PABIR3: variants seen among roughly 807,000 people sequenced by gnomAD.
PABIR3 encodes the protein PABIR family member 3.
PABIR3 carries 20 observed loss-of-function variants against 23.1 expected under a neutral mutation model. That is an observed-to-expected ratio of 0.86 (90% confidence interval 0.61 to 1.26). The LOEUF (loss-of-function observed/expected upper bound fraction) is 1.26, where lower values mean the gene tolerates loss of function less well. Ranked by LOEUF, PABIR3 falls within the 50% of genes most tolerant of loss-of-function variation. PABIR3 has a pLI of 0.00. For missense variants in PABIR3, 189 were observed against 195.4 expected, an observed-to-expected ratio of 0.97 and a Z score of 0.20; for synonymous variants, 69 against 68.5, an observed-to-expected ratio of 1.01 and a Z score of -0.04.
chrX:134,820,674 A>G (rs2081223741), intron 3 of PABIR3, among the ~76,000 whole-genome samples: 1 of 111,831 alleles, frequency 8.9e-6, no homozygotes, highest in African/African-American at 3.3e-5. Flanking sequence ...GTTTCACGTT[A>G]GTGTATTTTA....
downstream of PABIR3, among the ~76,000 whole-genome samples, chrX:134,858,634 G>A (rs371175556): frequency 1.5e-4 from 17 of 111,797 alleles, no homozygotes; most frequent in East Asian, 4.2e-3. Flanking sequence ...CTATCATATA[G>A]GTAGACTTCA....
intron 2 of PABIR3, 71 bp downstream of exon 2, chrX:134,807,779 G>A: frequency 9.9e-7 from 1 of 1,010,747 alleles, no homozygotes; most frequent in Non-Finnish European, 1.3e-6. Context: ...ATTTCCTATA[G>A]AATTCCCGTC....
chrX:134,842,839 A>G (rs2082281886), intron 4 of PABIR3, among the ~76,000 whole-genome samples: 1 of 108,967 alleles, frequency 9.2e-6, no homozygotes, highest in Admixed American at 9.8e-5. Context: ...CAGAGGTTGC[A>G]GTGAGCTGAG....
At chrX:134,820,234 T>C (rs755258197) in intron 3 of PABIR3, among the ~76,000 whole-genome samples, 117 of 112,420 alleles carry the variant, frequency 1.0e-3, no homozygotes, top group African/African-American at 3.7e-3. Context: ...GAATTTTATT[T>C]TTACTTTATG....
intron 3 of PABIR3, among the ~76,000 whole-genome samples, chrX:134,816,234 A>C (rs1327539626): frequency 8.9e-6 from 1 of 112,265 alleles, no homozygotes; most frequent in Non-Finnish European, 1.9e-5. Flanking sequence ...GGCGTCATAG[A>C]ATGTATTAGG....
At chrX:134,827,020 G>A (rs1211002314) in intron 3 of PABIR3, among the ~76,000 whole-genome samples, 1 of 111,352 alleles carries the variant, frequency 9.0e-6, no homozygotes, top group Non-Finnish European at 1.9e-5. Context: ...GAGTGCAGTG[G>A]CACGATCTCA....
chrX:134,814,468 C>T (rs1293270383), intron 2 of PABIR3, among the ~76,000 whole-genome samples: 2 of 111,393 alleles, frequency 1.8e-5, no homozygotes, highest in East Asian at 2.8e-4. Context: ...TGGGCCAAGG[C>T]GGGTGGATCA....
At chrX:134,841,525 G>A (rs2082232037) in intron 4 of PABIR3, among the ~76,000 whole-genome samples, 1 of 111,470 alleles carries the variant, frequency 9.0e-6, no homozygotes, top group Non-Finnish European at 1.9e-5. Context: ...ATGAAACGAT[G>A]TTTTTAGAAA....
intron 9 of PABIR3, among the ~76,000 whole-genome samples, chrX:134,849,552 A>G (rs1216779295): frequency 9.0e-6 from 1 of 111,702 alleles, no homozygotes; most frequent in East Asian, 2.8e-4. Flanking sequence ...GAACAGAGTG[A>G]GTCAGTCATC....
rs1434604404 is a variant in PABIR3, at chrX:134,809,461, G to A, written c.110+1753G>A. The stretch of plus-strand genomic sequence containing the variant: ...ATTACAGGCGTGAGCCACTGCGCCT[G>A]GCCTAAATCTTACTTCTTAAACTAG... On this transcript the variant is annotated intron_variant, in intron 2 of 10. Transcript: ENST00000645433. The A allele has an allele frequency of 8.0e-6, 6 of 750,023 alleles. No individual in the cohort carries two copies. The South Asian group carries it at 2.0e-4, about 26-fold the overall frequency. 61.8% of individuals were successfully genotyped at this position (750,023 alleles called of 1,213,427 possible). A position where few individuals can be genotyped will look rare whatever the true frequency, so the allele number is the denominator to read the frequency against.
At chrX:134,849,136 T>G in intron 8 of PABIR3, 31 bp from the exon 9 acceptor site, 1 of 814,903 alleles carries the variant, frequency 1.2e-6, no homozygotes, top group East Asian at 4.1e-5. Context: ...AAAAAAAATT[T>G]CTTATAATGA....
intron 9 of PABIR3, among the ~76,000 whole-genome samples, chrX:134,851,584 G>A (rs186909295): frequency 6.3e-5 from 7 of 110,735 alleles, no homozygotes; most frequent in Admixed American, 9.7e-5. Flanking sequence ...CCTTCACATC[G>A]GAATACTGCA....
At chrX:134,833,854 T>A (rs1454997281) in intron 4 of PABIR3, among the ~76,000 whole-genome samples, 1 of 112,080 alleles carries the variant, frequency 8.9e-6, no homozygotes, top group Non-Finnish European at 1.9e-5. Flanking sequence ...ATCTCATTCC[T>A]TTTTATGACT....
chrX:134,858,802 T>C (rs907130209), downstream of PABIR3, among the ~76,000 whole-genome samples: 4 of 111,740 alleles, frequency 3.6e-5, no homozygotes, highest in Admixed American at 1.9e-4. Context: ...TTTCCACAAG[T>C]GTCTATAACG....
intron 4 of PABIR3, among the ~76,000 whole-genome samples, chrX:134,832,622 G>A (rs1463509972): frequency 9.1e-6 from 1 of 109,428 alleles, no homozygotes; most frequent in Non-Finnish European, 1.9e-5. Flanking sequence ...GGCTGGTCTC[G>A]AACTCCTGAC....
downstream of PABIR3, among the ~76,000 whole-genome samples, chrX:134,855,250 T>C (rs191504468): frequency 0.013 from 1,454 of 109,640 alleles, 16 homozygotes; most frequent in Middle Eastern, 0.029. Context: ...CTGGCTAACA[T>C]GGTGAAACCC....
upstream of PABIR3, among the ~76,000 whole-genome samples, chrX:134,803,905 GTT>G (rs766676054): frequency 1.0e-4 from 10 of 98,673 alleles, no homozygotes; most frequent in African/African-American, 1.5e-4. Flanking sequence ...TTGCCTGCTA[GTT>G]TTTTTTTTTT....
chrX:134,804,119 C>G, upstream of PABIR3: 1 of 776,555 alleles, frequency 1.3e-6, no homozygotes, highest in Non-Finnish European at 1.9e-6. Flanking sequence ...CTGGGACAGA[C>G]GCAGCAGACT....
At chrX:134,801,324 G>A (rs1235317461) in intron 1 of PABIR3, among the ~76,000 whole-genome samples, 1 of 112,076 alleles carries the variant, frequency 8.9e-6, no homozygotes, top group Non-Finnish European at 1.9e-5. Context: ...GGGTAGAGGG[G>A]GCATCTCCAT....
Sources: allele counts gnomAD v4.1 joint callset (sites outside exome capture counted in the v4.1 genomes callset), GRCh38; gene constraint gnomAD v4.1.1; transcripts MANE v1.5; gene names NCBI Gene and HGNC (gene_info 2026-07-23, HGNC 2026-07-21).